The following XKR6 variants were observed in gnomAD, a reference collection of about 807,000 sequenced individuals.
The protein encoded by XKR6 is XK-related protein 6.
XKR6 carries 22 observed loss-of-function variants against 56.7 expected under a neutral mutation model. The observed-to-expected ratio is 0.39, with a 90% CI of 0.28 to 0.55. The LOEUF (loss-of-function observed/expected upper bound fraction) is 0.55. Ranked by LOEUF, XKR6 falls within the 20% of genes least tolerant of loss-of-function variation. The probability of loss-of-function intolerance (pLI) is 0.66; values close to 1 mark genes in which losing one functional copy is unlikely to be tolerated. For missense variants in XKR6, 852 were observed against 889.0 expected (o/e 0.96, Z 0.53); for synonymous variants, 524 against 387.8 (o/e 1.35, Z -4.13).
At chr8:11,184,134 C>T (rs192872131) in intron 1 of XKR6, among the ~76,000 whole-genome samples, 4 of 152,284 alleles carry the variant, frequency 2.6e-5, no homozygotes, top group African/African-American at 9.6e-5. Context: ...CATACAGAGA[C>T]TGTTAAAGGT....
rs10097459 is a variant in XKR6 at position 11,007,807 on chromosome 8, G to T, written c.765-82977C>A. Among the ~76,000 whole-genome samples the T allele has an allele frequency of 1.0e-2, 1,521 of 152,270 alleles. 25 individuals are homozygous for T. Among genetic ancestry groups the T allele is most frequent in the African/African-American group, 0.035 (1,443 of 41,536 alleles). ...CTCTGGTGTCCCCTGGCTTCCTGCA[G>T]CTCCCCTTCTCCTCTCTGGGCTTGT... On this transcript the variant is annotated intron_variant, in intron 1 of 2. Transcript: ENST00000416569.
At chr8:11,096,198 C>G (rs1798258537) in intron 1 of XKR6, among the ~76,000 whole-genome samples, 1 of 152,158 alleles carries the variant, frequency 6.6e-6, no homozygotes, top group Admixed American at 6.5e-5. Context: ...GAGATGTATA[C>G]AAAGATTCAG....
chr8:11,140,279 A>T (rs528998063), intron 1 of XKR6, among the ~76,000 whole-genome samples: 1 of 152,344 alleles, frequency 6.6e-6, no homozygotes, highest in South Asian at 2.1e-4. Context: ...ACTACAATCC[A>T]AGAAACGTTT....
chr8:10,900,027 A>T (rs1799991978), intron 2 of XKR6, among the ~76,000 whole-genome samples: 2 of 151,964 alleles, frequency 1.3e-5, no homozygotes, highest in South Asian at 4.2e-4. Flanking sequence ...CCCGTGCATC[A>T]GTTCCACAGT....
intron 1 of XKR6, among the ~76,000 whole-genome samples, chr8:11,130,172 G>A (rs1479965313): frequency 1.3e-5 from 2 of 152,046 alleles, no homozygotes; most frequent in African/African-American, 2.4e-5. Flanking sequence ...CTATTTTGTG[G>A]CTGGTTGTGT....
chr8:11,123,480 A>G (rs1799577365), intron 1 of XKR6: 1 of 201,038 alleles, frequency 5.0e-6, no homozygotes, highest in South Asian at 8.8e-5. Flanking sequence ...GAACAAGGAT[A>G]TGCCCCACCT....
chr8:10,931,942 A>G (rs370635879), intron 1 of XKR6, among the ~76,000 whole-genome samples: 1 of 152,262 alleles, frequency 6.6e-6, no homozygotes, highest in Admixed American at 6.5e-5. Context: ...TGCAAATCAC[A>G]TATCAGACAA....
chr8:11,126,487 G>T (rs1052409331), intron 1 of XKR6, among the ~76,000 whole-genome samples: 2 of 152,012 alleles, frequency 1.3e-5, no homozygotes, highest in African/African-American at 4.8e-5. Flanking sequence ...AAAAGCGAAT[G>T]TGTCATTAGT....
intron 2 of XKR6, among the ~76,000 whole-genome samples, chr8:10,912,047 T>G (rs2129110961): frequency 6.7e-6 from 1 of 149,232 alleles, no homozygotes; most frequent in Middle Eastern, 3.5e-3. Flanking sequence ...TACACACATA[T>G]TTATGCAGAG....
At chr8:11,044,024 C>A (rs73196898) in intron 1 of XKR6, among the ~76,000 whole-genome samples, 24,447 of 152,184 alleles carry the variant, frequency 0.16, 2,072 homozygotes, top group Non-Finnish European at 0.19. Context: ...CAATAGTAAA[C>A]CACTTGCAGC....
rs370264036 is a variant in XKR6 at position 11,162,161 on chromosome 8, T to A, written c.764+38415A>T. ...CTAATTGTAAAAGGAAGCCAAATGT[T>A]TTCAAAAGAATTAGCAAAGAAACTA... On this transcript the variant is annotated intron_variant, in intron 1 of 2. Coordinates refer to ENST00000416569, the MANE Select transcript of XKR6 (RefSeq NM_173683.4). Among the ~76,000 whole-genome samples the A allele has an allele frequency of 2.6e-5, 4 of 152,338 alleles. No individual in the cohort carries two copies. In the South Asian group the frequency reaches 8.3e-4, roughly 32 times the overall value.
At chr8:11,182,499 G>A (rs185533146) in intron 1 of XKR6, among the ~76,000 whole-genome samples, 99 of 152,324 alleles carry the variant, frequency 6.5e-4, no homozygotes, top group African/African-American at 2.3e-3. Context: ...GTCCTCAGCT[G>A]GTCAGCGTGG....
At chr8:11,158,612 G>C (rs1466331697) in intron 1 of XKR6, among the ~76,000 whole-genome samples, 2 of 152,062 alleles carry the variant, frequency 1.3e-5, no homozygotes, top group Admixed American at 6.6e-5. Flanking sequence ...CTTATGAAAA[G>C]AATCCACCTC....
chr8:11,172,557 A>G (rs1238098841), intron 1 of XKR6, among the ~76,000 whole-genome samples: 1 of 152,148 alleles, frequency 6.6e-6, no homozygotes, highest in African/African-American at 2.4e-5. Flanking sequence ...CTGGATTATC[A>G]TAATGGCATT....
intron 1 of XKR6, among the ~76,000 whole-genome samples, chr8:11,054,208 C>T (rs1358054347): frequency 6.6e-6 from 1 of 152,176 alleles, no homozygotes; most frequent in Non-Finnish European, 1.5e-5. Flanking sequence ...CCATATCCCC[C>T]TCCCTCTTCT....
chr8:10,950,105 AG>A (rs564915078), intron 1 of XKR6, among the ~76,000 whole-genome samples: 127 of 152,226 alleles, frequency 8.3e-4, no homozygotes, highest in Non-Finnish European at 1.1e-3. Context: ...GGATGGAAGC[AG>A]GGGTGGCTGA....
intron 1 of XKR6, among the ~76,000 whole-genome samples, chr8:11,179,530 T>G (rs1220272071): frequency 6.6e-6 from 1 of 152,192 alleles, no homozygotes; most frequent in African/African-American, 2.4e-5. Flanking sequence ...AGTACGTTTC[T>G]TTATAGTTAC....
chr8:10,921,332 GC>G (rs1361288444), intron 2 of XKR6, among the ~76,000 whole-genome samples: 2 of 152,238 alleles, frequency 1.3e-5, no homozygotes, highest in African/African-American at 4.8e-5. Flanking sequence ...GCCCATGCCA[GC>G]CCATAAACTC....
intron 1 of XKR6, among the ~76,000 whole-genome samples, chr8:11,165,700 A>G (rs1435336243): frequency 6.6e-6 from 1 of 152,320 alleles, no homozygotes; most frequent in East Asian, 1.9e-4. Flanking sequence ...TCCAGTATCA[A>G]AATGATTCAT....
Sources: gnomAD v4.1 joint callset for allele counts (sites outside exome capture counted in the v4.1 genomes callset) on GRCh38, gnomAD v4.1.1 for gene constraint, MANE v1.5 for transcripts, NCBI Gene and HGNC (gene_info 2026-07-23, HGNC 2026-07-21) for gene names.